The following SHISA9 variants were observed in gnomAD, a reference collection of about 807,000 sequenced individuals.
The protein encoded by SHISA9 is protein shisa-9.
A neutral mutation model predicts 38.0 loss-of-function variants in SHISA9; 13 were observed. The ratio of observed to expected loss-of-function variants is 0.34; its 90% CI spans 0.22 to 0.54. The LOEUF is 0.54. Among genes scored for constraint, SHISA9 ranks in the 20% least tolerant of loss-of-function variants. The pLI, the probability that SHISA9 is intolerant of heterozygous loss-of-function variation, is 0.91. For missense variants in SHISA9, 538 were observed against 575.8 expected (o/e 0.93, Z 0.67); for synonymous variants, 275 against 242.0 (o/e 1.14, Z -1.27).
chr16:13,277,348 T>C, the SHISA9 span, among the ~76,000 whole-genome samples: 2 of 152,162 alleles, frequency 1.3e-5, no homozygotes, highest in African/African-American at 2.4e-5. Flanking sequence ...TCAGGTAGTG[T>C]GATGCCTCCA....
intron 2 of SHISA9, among the ~76,000 whole-genome samples, chr16:13,101,513 G>A (rs2073878631): frequency 6.6e-6 from 1 of 152,198 alleles, no homozygotes. Flanking sequence ...CCAAACTGAA[G>A]GCGTCAGGCC....
intron 1 of SHISA9, chr16:12,909,235 A>G: frequency 1.0e-6 from 1 of 985,334 alleles, no homozygotes; most frequent in African/African-American, 1.7e-5. Context: ...AGTATAATTT[A>G]CACAATAAAA....
At chr16:13,310,478 G>A in the SHISA9 span, among the ~76,000 whole-genome samples, 2 of 151,980 alleles carry the variant, frequency 1.3e-5, no homozygotes, top group African/African-American at 4.8e-5. Flanking sequence ...TTGCTATCTT[G>A]ATTTTTACGT....
At chr16:13,064,772 A>G (rs2073414374) in intron 2 of SHISA9, among the ~76,000 whole-genome samples, 3 of 150,808 alleles carry the variant, frequency 2.0e-5, no homozygotes, top group South Asian at 4.2e-4. Context: ...CAACGAAATA[A>G]AAGTTGTAAG....
chr16:13,370,424 T>A, the SHISA9 span, among the ~76,000 whole-genome samples: 2 of 152,162 alleles, frequency 1.3e-5, no homozygotes, highest in Non-Finnish European at 2.9e-5. Flanking sequence ...TAGCAGTAGG[T>A]CTGGGATTTA....
At position 13,018,359 on chromosome 16, in the gene SHISA9, G is replaced by A. The variant is rs79224022; in HGVS notation, c.691+101544G>A. ...GGCCCTGCTTCCTGAAGAAGCTGTC[G>A]CAATGGCCAGTGAAGACCAGCTTTT... On this transcript the variant is annotated intron_variant, in intron 2 of 4. Coordinates refer to ENST00000558583, the MANE Select transcript of SHISA9 (RefSeq NM_001145204.3). Among the ~76,000 whole-genome samples, 11 of 152,282 alleles carry A rather than the reference G, an allele frequency of 7.2e-5. 1 individual carries two copies. In the East Asian group the frequency reaches 2.1e-3, roughly 29 times the overall value.
chr16:13,201,858 C>T (rs2051009411), intron 2 of SHISA9, among the ~76,000 whole-genome samples: 1 of 117,070 alleles, frequency 8.5e-6, no homozygotes, highest in Admixed American at 8.8e-5. Context: ...TTGAAGGCAG[C>T]TGTGAGCTGT....
the SHISA9 span, among the ~76,000 whole-genome samples, chr16:13,322,309 C>A: frequency 1.8e-4 from 28 of 152,206 alleles, no homozygotes; most frequent in Admixed American, 1.3e-3. Context: ...CAGCCTTTCC[C>A]TAAAGCTGCC....
At chr16:13,038,748 T>C (rs767316823) in intron 2 of SHISA9, among the ~76,000 whole-genome samples, 3 of 152,220 alleles carry the variant, frequency 2.0e-5, no homozygotes, top group African/African-American at 7.2e-5. Flanking sequence ...GTTAATTCTC[T>C]TCCTCACTAG....
chr16:13,356,720 G>A, the SHISA9 span, among the ~76,000 whole-genome samples: 4 of 152,106 alleles, frequency 2.6e-5, no homozygotes, highest in African/African-American at 9.7e-5. Flanking sequence ...AGGTGGGAGG[G>A]TAAGAAGGAA....
intron 2 of SHISA9, among the ~76,000 whole-genome samples, chr16:13,140,080 TCTTCTCTTCCCTTCCCTTCCCTTCC>T (rs2050386197): frequency 8.0e-6 from 1 of 124,542 alleles, no homozygotes; most frequent in African/African-American, 3.1e-5. Flanking sequence ...TCTCCTTTCC[TCTTCTCTTCCCTTCCCTTCCCTTCC>T]CTTCCCTTCC....
chr16:13,111,366 A>G (rs1247780756), intron 2 of SHISA9, among the ~76,000 whole-genome samples: 1 of 151,700 alleles, frequency 6.6e-6, no homozygotes, highest in East Asian at 1.9e-4. Flanking sequence ...AAAACCCAAA[A>G]ACAAAAAAAC....
At chr16:12,990,904 G>T (rs933506692) in intron 2 of SHISA9, among the ~76,000 whole-genome samples, 1 of 152,190 alleles carries the variant, frequency 6.6e-6, no homozygotes, top group Non-Finnish European at 1.5e-5. Context: ...ATTGCTAGAA[G>T]GGGAATTACT....
At chr16:13,505,401 C>G in the SHISA9 span, among the ~76,000 whole-genome samples, 1 of 152,158 alleles carries the variant, frequency 6.6e-6, no homozygotes, top group Non-Finnish European at 1.5e-5. Context: ...GAAAGCTGGT[C>G]TTTCATCTGG....
chr16:13,045,570 TC>T (rs1192429868), intron 2 of SHISA9, among the ~76,000 whole-genome samples: 1 of 148,660 alleles, frequency 6.7e-6, no homozygotes, highest in Non-Finnish European at 1.5e-5. Flanking sequence ...ACGGTAAATC[TC>T]CCACAGAGCT....
chr16:13,259,807 G>A, the SHISA9 span, among the ~76,000 whole-genome samples: 15 of 151,978 alleles, frequency 9.9e-5, no homozygotes, highest in Admixed American at 7.9e-4. Flanking sequence ...TGGGCACCCT[G>A]GGCCCAGCCC....
At chr16:13,027,756 G>T (rs1054640312) in intron 2 of SHISA9, among the ~76,000 whole-genome samples, 5 of 151,762 alleles carry the variant, frequency 3.3e-5, no homozygotes, top group Non-Finnish European at 7.4e-5. Context: ...GTGAAACCCT[G>T]TCTCTACTAA....
At chr16:13,314,079 A>C in the SHISA9 span, among the ~76,000 whole-genome samples, 5 of 152,194 alleles carry the variant, frequency 3.3e-5, no homozygotes, top group Non-Finnish European at 7.3e-5. Context: ...CTTCTCTTCT[A>C]CTGCAAAGGG....
At chr16:13,329,724 A>C in the SHISA9 span, among the ~76,000 whole-genome samples, 1 of 152,218 alleles carries the variant, frequency 6.6e-6, no homozygotes, top group Non-Finnish European at 1.5e-5. Context: ...AGGTAGAGCC[A>C]TGCCAGTGAA....
Sources: allele counts gnomAD v4.1 joint callset (sites outside exome capture counted in the v4.1 genomes callset), GRCh38; gene constraint gnomAD v4.1.1; transcripts MANE v1.5; gene names NCBI Gene and HGNC (gene_info 2026-07-23, HGNC 2026-07-21).